Variants in LRRC17 observed in about 807,000 individuals in gnomAD.
LRRC17 encodes the protein leucine-rich repeat-containing protein 17.
In LRRC17, 33 loss-of-function variants were observed where a neutral mutation model predicts 41.5. The observed-to-expected ratio is 0.80, with a 90% confidence interval of 0.60 to 1.06. LRRC17 has a LOEUF of 1.06. Among genes scored for constraint, LRRC17 ranks in the 50% least tolerant of loss-of-function variants. The probability of loss-of-function intolerance (pLI) is 0.00; values close to 1 mark genes in which losing one functional copy is unlikely to be tolerated. For synonymous variants in LRRC17, 192 were observed against 197.0 expected (o/e 0.97, Z 0.21); for missense variants, 491 against 519.3 (o/e 0.95, Z 0.53).
At chr7:102,914,167 G>A (rs1815343215) in intron 1 of LRRC17, among the ~76,000 whole-genome samples, 1 of 152,152 alleles carries the variant, frequency 6.6e-6, no homozygotes, top group Admixed American at 6.5e-5. Context: ...CCCAACCCCT[G>A]GTTCAAGCGA....
intron 1 of LRRC17, among the ~76,000 whole-genome samples, chr7:102,931,223 G>C (rs1819113793): frequency 1.3e-5 from 2 of 152,216 alleles, no homozygotes; most frequent in African/African-American, 4.8e-5. Context: ...AGGAAACTCA[G>C]CAGCTGTAGG....
chr7:102,942,207 T>C, intron 3 of LRRC17: 1 of 1,058,298 alleles, frequency 9.4e-7, no homozygotes, highest in East Asian at 2.5e-5. Flanking sequence ...GAACAAAAGT[T>C]CTTTTGAAAC....
intron 2 of LRRC17, among the ~76,000 whole-genome samples, chr7:102,936,862 C>T (rs1272275431): frequency 1.3e-5 from 2 of 152,142 alleles, no homozygotes; most frequent in Admixed American, 6.5e-5. Flanking sequence ...TTTTTCACTG[C>T]TTTTATGCTC....
In LRRC17 at chr7:102,934,267, T is replaced by C. The variant is rs935371032; in HGVS notation, c.354T>C (p.Ser118=). 1 of 1,614,038 alleles carries C rather than the reference T, an allele frequency of 6.2e-7. No individual in the cohort carries two copies. The highest frequency in any genetic ancestry group is 1.3e-5 in the African/African-American group (1 of 74,920). ...TGGATCTGCAGCAGAATGAGATCTC[T>C]AAAATTGAGAGTGAGGCGTTCTTTG... ...KSLDLQQNEI[S]KIESEAFFGL... The change falls in exon 2 of 4, where the codon TCT becomes TCC. Residue 118 remains serine, a synonymous_variant. Coordinates refer to ENST00000339431, the MANE Select transcript of LRRC17 (RefSeq NM_001031692.3).
At chr7:102,922,121 C>T (rs112412283) in intron 1 of LRRC17, among the ~76,000 whole-genome samples, 3,428 of 151,270 alleles carry the variant, frequency 0.023, 97 homozygotes, top group East Asian at 0.067. Flanking sequence ...GCCCGCGAGG[C>T]GGAGGTTGCA....
At chr7:102,920,075 AG>A (rs1157431425) in intron 1 of LRRC17, among the ~76,000 whole-genome samples, 1 of 152,200 alleles carries the variant, frequency 6.6e-6, no homozygotes, top group African/African-American at 2.4e-5. Context: ...AGTTCAAGGG[AG>A]AAGTAGAGGG....
intron 1 of LRRC17, among the ~76,000 whole-genome samples, chr7:102,922,271 G>T (rs1161899508): frequency 6.6e-6 from 1 of 151,800 alleles, no homozygotes; most frequent in Admixed American, 6.6e-5. Flanking sequence ...AGTTGGTTTA[G>T]AAAGTTAAAA....
At chr7:102,931,796 C>T in intron 1 of LRRC17, 1 of 1,278,462 alleles carries the variant, frequency 7.8e-7, no homozygotes, top group Non-Finnish European at 1.1e-6. Context: ...CAAATAAGCA[C>T]ACAAGCATCT....
At chr7:102,926,920 T>C (rs1438355039) in intron 1 of LRRC17, among the ~76,000 whole-genome samples, 7 of 152,186 alleles carry the variant, frequency 4.6e-5, no homozygotes, top group Non-Finnish European at 8.8e-5. Flanking sequence ...ACCAGATTTA[T>C]GGTAAGTTTG....
intron 1 of LRRC17, among the ~76,000 whole-genome samples, chr7:102,915,832 T>C (rs1815745022): frequency 6.6e-6 from 1 of 152,232 alleles, no homozygotes; most frequent in Admixed American, 6.5e-5. Flanking sequence ...TTGTGAACTA[T>C]CAGTGATATT....
At chr7:102,917,060 G>C (rs1816037174) in intron 1 of LRRC17, among the ~76,000 whole-genome samples, 1 of 152,110 alleles carries the variant, frequency 6.6e-6, no homozygotes, top group South Asian at 2.1e-4. Context: ...CTGTAAAAGA[G>C]GGAATTTGCA....
chr7:102,935,107 G>A (rs1221032417), intron 2 of LRRC17, among the ~76,000 whole-genome samples: 1 of 152,098 alleles, frequency 6.6e-6, no homozygotes. Context: ...ACCTCAAAGA[G>A]AAAACATCTG....
intron 2 of LRRC17, among the ~76,000 whole-genome samples, chr7:102,937,824 G>A (rs1313622802): frequency 6.6e-6 from 1 of 152,174 alleles, no homozygotes; most frequent in Non-Finnish European, 1.5e-5. Flanking sequence ...TAGAATTGAA[G>A]TGTGACAACC....
At chr7:102,914,146 C>T (rs1815337727) in intron 1 of LRRC17, among the ~76,000 whole-genome samples, 1 of 152,166 alleles carries the variant, frequency 6.6e-6, no homozygotes, top group African/African-American at 2.4e-5. Context: ...CTGCAACCTC[C>T]TCCCCACTCC....
intron 1 of LRRC17, chr7:102,931,917 C>T (rs747530245): frequency 6.2e-7 from 1 of 1,613,682 alleles, no homozygotes. Flanking sequence ...TCAACTCTTG[C>T]AAGTTCCTAC....
At chr7:102,913,172 G>T (rs370558905) in intron 1 of LRRC17, 27 bp downstream of exon 1, 30 of 1,613,996 alleles carry the variant, frequency 1.9e-5, no homozygotes, top group Non-Finnish European at 2.5e-5. Context: ...TCTGTGAACC[G>T]TCTGCAATAA....
At position 102,934,017 on chromosome 7, in the gene LRRC17, CGGGTGGAGGCCGGAGAGG is replaced by C; in HGVS notation, c.105_122del (p.Gly36_Gly41del). ...AGAAGCCGAGTGAATCATGGCCGGG[CGGGTGGAGGCCGGAGAGG>C]CTCCAACCCGGTCAAACGCTACGCA... On this transcript the variant is annotated inframe_deletion, in exon 2 of 4. Coordinates refer to ENST00000339431, the MANE Select transcript of LRRC17 (RefSeq NM_001031692.3). 1 of 1,614,026 alleles carries C rather than the reference CGGGTGGAGGCCGGAGAGG, an allele frequency of 6.2e-7. No individual in the cohort carries two copies. The highest frequency in any genetic ancestry group is 1.7e-5 in the Admixed American group (1 of 60,022).
Position 102,934,276 on chromosome 7 carries a change from G to C in LRRC17, c.363G>C (p.Glu121Asp). 1 of 1,614,166 alleles carries C rather than the reference G, an allele frequency of 6.2e-7. No individual in the cohort carries two copies. Among genetic ancestry groups the C allele is most frequent in the Middle Eastern group, 1.6e-4 (1 of 6,062 alleles). ...DLQQNEISKI[E>D]SEAFFGLNKL... ...AGCAGAATGAGATCTCTAAAATTGAGAGTGAGGCGTTCTTTGGTTTAAACA... is the reference window on the plus strand; with the variant it reads ...AGCAGAATGAGATCTCTAAAATTGACAGTGAGGCGTTCTTTGGTTTAAACA... Residue 121 changes from glutamate (E) to aspartate (D), a missense_variant, in exon 2 of 4, where the codon GAG becomes GAC. Coordinates refer to ENST00000339431, the MANE Select transcript of LRRC17 (RefSeq NM_001031692.3).
chr7:102,932,018 ATTC>A (rs1373001712), intron 1 of LRRC17: 11 of 1,257,438 alleles, frequency 8.7e-6, no homozygotes, highest in Non-Finnish European at 1.2e-5. Context: ...AATGCAATGT[ATTC>A]ATTAGAAAAC....
Sources: allele counts gnomAD v4.1 joint callset (sites outside exome capture counted in the v4.1 genomes callset), GRCh38; gene constraint gnomAD v4.1.1; transcripts MANE v1.5; gene names NCBI Gene and HGNC (gene_info 2026-07-23, HGNC 2026-07-21).